The following SEZ6 variants were observed in gnomAD, a reference collection of about 807,000 sequenced individuals.
SEZ6 encodes the protein seizure related 6 homolog.
Under a neutral mutation model 101.0 loss-of-function variants are expected in SEZ6, and 53 were observed. The ratio of observed to expected loss-of-function variants is 0.52; its 90% confidence interval spans 0.42 to 0.66. The LOEUF is 0.66. Among genes scored for constraint, SEZ6 ranks in the 30% least tolerant of loss-of-function variants. The pLI, the probability that SEZ6 is intolerant of heterozygous loss-of-function variation, is 0.00. For missense variants in SEZ6, 1,102 were observed against 1,289.4 expected (o/e 0.85, Z 2.23); for synonymous variants, 488 against 512.2 (o/e 0.95, Z 0.64).
intron 1 of SEZ6, among the ~76,000 whole-genome samples, chr17:28,999,593 C>A (rs146910377): frequency 6.6e-6 from 1 of 152,178 alleles, no homozygotes; most frequent in African/African-American, 2.4e-5. Flanking sequence ...CAATGGCCAA[C>A]AACACTCTGC....
intron 1 of SEZ6, among the ~76,000 whole-genome samples, chr17:28,988,960 A>G (rs1332863269): frequency 6.6e-6 from 1 of 152,202 alleles, no homozygotes; most frequent in Non-Finnish European, 1.5e-5. Flanking sequence ...ATCTGTGGGC[A>G]TACCTCCAGG....
intron 3 of SEZ6, among the ~76,000 whole-genome samples, chr17:28,975,377 C>CA (rs1464220113): frequency 2.6e-5 from 4 of 152,192 alleles, no homozygotes; most frequent in Admixed American, 2.6e-4. Context: ...AAGCCTGGTG[C>CA]ATCATCTGGT....
At chr17:28,971,454 G>A (rs569390165) in intron 3 of SEZ6, among the ~76,000 whole-genome samples, 15 of 152,130 alleles carry the variant, frequency 9.9e-5, no homozygotes, top group African/African-American at 3.4e-4. Context: ...TTAGCTGGGC[G>A]TGGTGGCACA....
chr17:28,958,792 A>G (rs972394218), intron 10 of SEZ6, among the ~76,000 whole-genome samples: 7 of 151,806 alleles, frequency 4.6e-5, no homozygotes, highest in Admixed American at 6.6e-5. Context: ...AAAAAAAAAA[A>G]AAGGAAGAAA....
chr17:28,981,706 G>A lies in SEZ6; in HGVS notation c.389C>T (p.Pro130Leu), dbSNP rs1371848380. Reference protein sequence around the residue: ...TSPTPAMAAVPTQPQSKEGPW... With the variant: ...TSPTPAMAAVLTQPQSKEGPW... ...TCCCTCCTTGGACTGGGGCTGAGTG[G>A]GTACCGCAGCCATGGCTGGAGTGGG... The change falls in exon 2 of 17, where the codon CCC becomes CTC. Residue 130 changes from proline (P) to leucine (L), a missense_variant. Coordinates refer to ENST00000317338, the MANE Select transcript of SEZ6 (RefSeq NM_178860.5). The A allele has an allele frequency of 6.3e-7, 1 of 1,590,460 alleles. No individual in the cohort carries two copies. Among genetic ancestry groups the A allele is most frequent in the African/African-American group, 1.3e-5 (1 of 74,520 alleles).
chr17:28,965,556 T>G (rs1188518028), intron 4 of SEZ6, among the ~76,000 whole-genome samples: 1 of 151,960 alleles, frequency 6.6e-6, no homozygotes, highest in Non-Finnish European at 1.5e-5. Flanking sequence ...GTGGGATCGC[T>G]TGAGCCTAGG....
At chr17:28,982,111 T>TG (rs965193045) in intron 1 of SEZ6, 72 bp from the exon 2 acceptor site, 44 of 1,480,212 alleles carry the variant, frequency 3.0e-5, no homozygotes, top group East Asian at 2.1e-4. Flanking sequence ...ACTCGAGTAG[T>TG]GGGGGGGCCC....
At chr17:28,956,066 T>A (rs1195863639) in intron 16 of SEZ6, 72 bp from the exon 17 acceptor site, 4 of 1,597,778 alleles carry the variant, frequency 2.5e-6, no homozygotes, top group Non-Finnish European at 3.4e-6. Context: ...AGGGAAAAAG[T>A]GAGAGGGCTT....
intron 1 of SEZ6, among the ~76,000 whole-genome samples, chr17:28,983,004 C>T (rs2041332017): frequency 6.6e-6 from 1 of 152,218 alleles, no homozygotes; most frequent in African/African-American, 2.4e-5. Flanking sequence ...CCAGTAGTTT[C>T]TCTCCGTTCT....
chr17:28,993,778 C>T (rs2041498003), intron 1 of SEZ6, among the ~76,000 whole-genome samples: 1 of 152,258 alleles, frequency 6.6e-6, no homozygotes, highest in Admixed American at 6.5e-5. Context: ...CATCTTTGGA[C>T]TACTGCCCCC....
chr17:28,959,405 G>GTAGT lies in SEZ6; in HGVS notation c.1838_1839insACTA (p.Tyr613Ter), dbSNP rs2040938916. 6.2e-7 allele frequency: 1 copy of GTAGT among 1,613,892 alleles called. No homozygotes were observed. The highest frequency in any genetic ancestry group is 8.5e-7 in the Non-Finnish European group (1 of 1,179,860). ...CCCAGATACAATCCTGCCCACGACC[G>GTAGT]TAGGGCTCTGGCCAGTTGGGAGAGA... On this transcript the variant is annotated stop_gained and frameshift_variant, in exon 9 of 17. Transcript: ENST00000317338. LOFTEE classifies it high-confidence loss of function. The surrounding 1 kb of genome is among the most constrained non-coding windows in gnomAD (Gnocchi z 4.4).
At chr17:28,982,443 A>G (rs2041321944) in intron 1 of SEZ6, among the ~76,000 whole-genome samples, 1 of 152,188 alleles carries the variant, frequency 6.6e-6, no homozygotes. Flanking sequence ...TAGGCCAGAG[A>G]AAGGAAGTGA....
Position 28,992,909 on chromosome 17 carries a change from C to T in SEZ6, c.56-10870G>A, listed in dbSNP as rs927778368. Among the ~76,000 whole-genome samples the T allele has an allele frequency of 2.0e-5, 3 of 152,150 alleles. 1 individual carries two copies. The highest frequency in any genetic ancestry group is 4.1e-4 in the South Asian group (2 of 4,834). On this transcript the variant is annotated intron_variant, in intron 1 of 16. Transcript: ENST00000317338. ...CCTGCGTCACCTGCTGCACTCTACA[C>T]CGTCCCCTGCAGACCTGTGTTCCCT...
intron 1 of SEZ6, among the ~76,000 whole-genome samples, chr17:28,995,497 C>A (rs1210368805): frequency 6.6e-6 from 1 of 152,138 alleles, no homozygotes; most frequent in Non-Finnish European, 1.5e-5. Context: ...CGTCTCCATC[C>A]CGCAGGTGGA....
chr17:28,961,853 A>C (rs2040983485), intron 5 of SEZ6, among the ~76,000 whole-genome samples: 1 of 152,196 alleles, frequency 6.6e-6, no homozygotes, highest in Non-Finnish European at 1.5e-5. Flanking sequence ...TGCCATGACC[A>C]ATACACAGGA....
At chr17:28,972,255 C>T (rs2041161554) in intron 3 of SEZ6, among the ~76,000 whole-genome samples, 1 of 152,228 alleles carries the variant, frequency 6.6e-6, no homozygotes. Flanking sequence ...GTCACAGTGC[C>T]CTCTTCACTG....
intron 1 of SEZ6, among the ~76,000 whole-genome samples, chr17:28,994,735 T>C (rs2041512425): frequency 6.6e-6 from 1 of 151,590 alleles, no homozygotes; most frequent in African/African-American, 2.4e-5. Flanking sequence ...AGAGAGTCTT[T>C]TGGGTGGGTG....
intron 1 of SEZ6, among the ~76,000 whole-genome samples, chr17:28,992,548 C>G (rs990855492): frequency 6.6e-6 from 1 of 152,214 alleles, no homozygotes; most frequent in Non-Finnish European, 1.5e-5. Context: ...GCCCTACCCC[C>G]CAAAAGAAGG....
At chr17:29,001,734 A>C (rs2041617075) in intron 1 of SEZ6, among the ~76,000 whole-genome samples, 1 of 152,150 alleles carries the variant, frequency 6.6e-6, no homozygotes, top group South Asian at 2.1e-4. Context: ...TTCCTGTTGG[A>C]ATTGGTCTTG....
Sources: allele counts gnomAD v4.1 joint callset (sites outside exome capture counted in the v4.1 genomes callset), GRCh38; gene constraint gnomAD v4.1.1; non-coding constraint Gnocchi (gnomAD v3.1); transcripts MANE v1.5; gene names NCBI Gene and HGNC (gene_info 2026-07-23, HGNC 2026-07-21).